The following MUC6 variants were observed in gnomAD, a reference collection of about 807,000 sequenced individuals.
MUC6 encodes mucin-6.
Under a neutral mutation model 201.5 loss-of-function variants are expected in MUC6, and 188 were observed. The ratio of observed to expected loss-of-function variants is 0.93; its 90% CI spans 0.83 to 1.05. The LOEUF (loss-of-function observed/expected upper bound fraction) is 1.05. Among genes scored for constraint, MUC6 ranks in the 50% least tolerant of loss-of-function variants. MUC6 has a pLI of 0.00. For synonymous variants in MUC6, 1,228 were observed against 1,389.4 expected (o/e 0.88, Z 2.58); for missense variants, 2,706 against 3,256.9 (o/e 0.83, Z 4.12).
chr11:1,029,031 C>A lies in MUC6; in HGVS notation c.1380+15G>T, dbSNP rs1206901944. On this transcript the variant is annotated intron_variant, in intron 11 of 32. Transcript: ENST00000421673. ...GGAGCCCTGCTGGCAGGGATGGGCG[C>A]AGGAAAGGCCTTACCTGCCTGGAGA... 3.7e-6 allele frequency: 6 copies of A among 1,612,636 alleles called. No individual in the cohort carries two copies. Among genetic ancestry groups the A allele is most frequent in the Non-Finnish European group, 5.1e-6 (6 of 1,179,758 alleles).
intron 4 of MUC6, 63 bp downstream of exon 4, chr11:1,031,544 C>T: frequency 2.6e-6 from 4 of 1,527,818 alleles, no homozygotes; most frequent in Non-Finnish European, 3.5e-6. Context: ...CAGCCCCTCC[C>T]AAGTCCCACC....
Position 1,016,504 on chromosome 11 carries a change from G to C in MUC6, c.6297C>G (p.Ser2099Arg). Reference sequence around the variant, plus strand: ...TGATAGGTGATGACGGTGGCCTTGAGCTAGAGTTCTGAGGCAGCCAAGACG... The same window carrying C: ...TGATAGGTGATGACGGTGGCCTTGACCTAGAGTTCTGAGGCAGCCAAGACG... ...SSSSWLPQNS[S>R]SRPPSSPITT... is the part of the protein sequence containing the mutation. The change falls in exon 31 of 33, where the codon AGC (serine) becomes AGG (arginine). Residue 2099 changes from serine (S) to arginine (R), a missense_variant. By Grantham distance (110) the Ser-to-Arg change is moderately radical. This residue lies in a region of MUC6 where 586 missense variants were observed against 488.0 expected (regional missense o/e 1.20). Transcript: ENST00000421673. 6.2e-7 allele frequency: 1 copy of C among 1,613,946 alleles called. No individual in the cohort carries two copies. The highest frequency in any genetic ancestry group is 8.5e-7 in the Non-Finnish European group (1 of 1,179,892).
chr11:1,033,004 T>C lies in MUC6; in HGVS notation c.115+9A>G, dbSNP rs1224278508. ...TGGGCGGCAGGATCAGTGGCCGCTGTGTTCTTACCTGTCTGTGGAGAGTCC... is the reference window on the plus strand; with the variant it reads ...TGGGCGGCAGGATCAGTGGCCGCTGCGTTCTTACCTGTCTGTGGAGAGTCC... On this transcript the variant is annotated intron_variant, in intron 2 of 32. Coordinates refer to ENST00000421673, the MANE Select transcript of MUC6 (RefSeq NM_005961.3). This position sits in a 1 kb window ranked among gnomAD's most constrained non-coding sequence, Gnocchi z 5.6. 1.3e-6 allele frequency: 2 copies of C among 1,578,172 alleles called. No homozygotes were observed. Among genetic ancestry groups the C allele is most frequent in the African/African-American group, 2.7e-5 (2 of 74,154 alleles).
chr11:1,024,586 G>T (rs1365586446), intron 24 of MUC6, among the ~76,000 whole-genome samples: 1 of 152,242 alleles, frequency 6.6e-6, no homozygotes, highest in Non-Finnish European at 1.5e-5. Context: ...TGCCCCAGGG[G>T]ACTCGTGGCA....
intron 26 of MUC6, among the ~76,000 whole-genome samples, chr11:1,022,941 C>T (rs1856851332): frequency 6.9e-6 from 1 of 145,588 alleles, no homozygotes. Flanking sequence ...CGTGAGTGAA[C>T]AAATGTGCGT....
At chr11:1,034,073 T>A (rs1265685201) in intron 1 of MUC6, among the ~76,000 whole-genome samples, 3 of 152,136 alleles carry the variant, frequency 2.0e-5, no homozygotes, top group Non-Finnish European at 4.4e-5. Flanking sequence ...GACACCTGTG[T>A]CTCCGGTGAC....
Position 1,029,140 on chromosome 11 carries a change from A to G in MUC6, c.1286T>C (p.Leu429Pro). 1 of 1,611,782 alleles carries G rather than the reference A, an allele frequency of 6.2e-7. No homozygotes were observed. The highest frequency in any genetic ancestry group is 8.5e-7 in the Non-Finnish European group (1 of 1,179,476). Reference protein sequence around the residue: ...CTYILLQSPQLPEDGALMAVY... With the variant: ...CTYILLQSPQPPEDGALMAVY... ...AGCCATGAGGGCACCGTCCTCGGGA[A>G]GCTGGGGGCTCTGCGAGGGGGCGGG... Residue 429 changes from leucine (L) to proline (P), a missense_variant, in exon 11 of 33, where the codon CTT (leucine) becomes CCT (proline). Around this residue, in one of 10 missense-constraint regions of MUC6, gnomAD observed 1,850 missense variants for 1,958.3 expected, o/e 0.94. Coordinates refer to ENST00000421673, the MANE Select transcript of MUC6 (RefSeq NM_005961.3).
rs771834687 is a variant in MUC6, at chr11:1,013,614, G to A, written c.7162C>T (p.Gln2388Ter). ...CAGCAGCTGCAGCGGGCATCCACCT[G>A]CTGGGTGATGATGTTGAAGCTGCCG... is the stretch of plus-strand genomic sequence containing the variant. ...SAASFNIITQQVDARCSCCRP... is the reference protein window; with the variant it reads ...SAASFNIITQ The change falls in exon 33 of 33, where the codon CAG becomes TAG. Residue 2388 changes from glutamine to a stop codon, truncating the protein, a stop_gained. Coordinates refer to ENST00000421673, the MANE Select transcript of MUC6 (RefSeq NM_005961.3). LOFTEE classifies it low-confidence loss of function (END_TRUNC). 9 of 1,563,876 alleles carry A rather than the reference G, an allele frequency of 5.8e-6. No homozygotes were observed. The East Asian group carries it at 9.6e-5, about 17-fold the overall frequency.
chr11:1,018,866 C>A (rs959133930), intron 30 of MUC6, 96 bp from the exon 31 acceptor site: 73 of 1,439,430 alleles, frequency 5.1e-5, no homozygotes, highest in Admixed American at 7.1e-5. Flanking sequence ...CTTTTTCTTG[C>A]CTGTCTGTGC....
At chr11:1,020,343 G>A (rs930535414) in intron 28 of MUC6, 86 bp from the exon 29 acceptor site, 3 of 1,491,688 alleles carry the variant, frequency 2.0e-6, no homozygotes, top group Non-Finnish European at 2.7e-6. Flanking sequence ...TGGCCCTGAA[G>A]CCGGGCAGCC....
intron 22 of MUC6, among the ~76,000 whole-genome samples, 165 bp downstream of exon 22, chr11:1,025,640 T>A (rs1348851415): frequency 6.6e-6 from 1 of 152,136 alleles, no homozygotes; most frequent in Non-Finnish European, 1.5e-5. Flanking sequence ...CCCGTGGTCC[T>A]GAGCGTCTGG....
rs780761327 is a variant in MUC6, at chr11:1,015,997, G to A, written c.6804C>T (p.Ser2268=). ...TGAGAGAAGTGGACCGCGAGGTGGT[G>A]GACTGAGAGGAGAAGGCAGGGGCGG... ...THTAPAFSSQ[S]TTSRSTSLTT... is the part of the protein sequence containing the mutation. Residue 2268 remains serine (S), a synonymous_variant, in exon 31 of 33, where the codon TCC becomes TCT. Transcript: ENST00000421673. The A allele has an allele frequency of 2.1e-5, 34 of 1,602,710 alleles. No homozygotes were observed. The African/African-American group carries it at 2.5e-4, about 12-fold the overall frequency.
chr11:1,025,007 G>A lies in MUC6; in HGVS notation c.3062C>T (p.Ala1021Val). 1 of 1,613,144 alleles carries A rather than the reference G, an allele frequency of 6.2e-7. No individual in the cohort carries two copies. Among genetic ancestry groups the A allele is most frequent in the Non-Finnish European group, 8.5e-7 (1 of 1,179,854 alleles). ...DDFETRSRYV[A>V]SSELELVNSW... is the part of the protein sequence containing the mutation. ...GTTCACCAACTCCAGCTCGCTGGAT[G>A]CCACGTACCTGCTGCGCGTCTCGAA... Residue 1021 changes from alanine (A) to valine (V), a missense_variant, in exon 24 of 33, where the codon GCA becomes GTA. Coordinates refer to ENST00000421673, the MANE Select transcript of MUC6 (RefSeq NM_005961.3).
chr11:1,035,220 C>T (rs543303027), intron 1 of MUC6, among the ~76,000 whole-genome samples: 7 of 152,304 alleles, frequency 4.6e-5, no homozygotes, highest in East Asian at 3.9e-4. Flanking sequence ...GCTGGGGTGA[C>T]GGGTGGACAC....
chr11:1,030,681 G>T lies in MUC6; in HGVS notation c.784C>A (p.Pro262Thr). The T allele has an allele frequency of 6.5e-7, 1 of 1,549,966 alleles. No individual in the cohort carries two copies. The highest frequency in any genetic ancestry group is 1.4e-5 in the African/African-American group (1 of 73,408). Residue 262 changes from proline (P) to threonine (T), a missense_variant, in exon 7 of 33, where the codon CCC becomes ACC. Physicochemically the swap from Pro to Thr is conservative, Grantham distance 38 (BLOSUM62 -1). Coordinates refer to ENST00000421673, the MANE Select transcript of MUC6 (RefSeq NM_005961.3). ...LSCQADVAAA[P>T]QPGPQNSSCA... is the part of the protein sequence containing the mutation. ...CTGCTGTTCTGTGGGCCTGGCTGGG[G>T]GGCTGCGGCCACGTCCGCCTGGCAG...
chr11:1,033,011 A>G lies in MUC6; in HGVS notation c.115+2T>C. 1 of 1,592,268 alleles carries G rather than the reference A, an allele frequency of 6.3e-7. No individual in the cohort carries two copies. Among genetic ancestry groups the G allele is most frequent in the Non-Finnish European group, 8.6e-7 (1 of 1,163,574 alleles). On this transcript the variant is annotated splice_donor_variant, in intron 2 of 32. Transcript: ENST00000421673. LOFTEE classifies it high-confidence loss of function. The surrounding 1 kb of genome is among the most constrained non-coding windows in gnomAD (Gnocchi z 5.6). ...CAGGATCAGTGGCCGCTGTGTTCTT[A>G]CCTGTCTGTGGAGAGTCCTTCAGCC...
At chr11:1,020,662 C>T in intron 28 of MUC6, 22 bp downstream of exon 28, 2 of 1,613,628 alleles carry the variant, frequency 1.2e-6, no homozygotes, top group African/African-American at 1.3e-5. Context: ...GTCACCTTGG[C>T]ACCTAGTGTG....
chr11:1,035,200 G>A (rs1051070100), intron 1 of MUC6, among the ~76,000 whole-genome samples: 2 of 152,224 alleles, frequency 1.3e-5, no homozygotes, highest in Non-Finnish European at 2.9e-5. Context: ...ATGGCGCTCA[G>A]AGATTATTTG....
chr11:1,031,092 TGG>T, intron 5 of MUC6, 36 bp from the exon 6 acceptor site: 2 of 1,544,066 alleles, frequency 1.3e-6, no homozygotes, highest in Non-Finnish European at 1.7e-6. Context: ...CCGTGGGGGC[TGG>T]GCCTCAGAGG....
Sources: allele counts gnomAD v4.1 joint callset (sites outside exome capture counted in the v4.1 genomes callset), GRCh38; gene constraint gnomAD v4.1.1; regional missense constraint gnomAD v4.1.1; non-coding constraint Gnocchi (gnomAD v3.1); transcripts MANE v1.5; gene names NCBI Gene and HGNC (gene_info 2026-07-23, HGNC 2026-07-21).